The following UNC13B variants were observed in gnomAD, a reference collection of about 807,000 sequenced individuals.
UNC13B encodes unc-13 homolog B.
UNC13B carries 144 observed loss-of-function variants against 211.0 expected under a neutral mutation model. That is an observed-to-expected ratio of 0.68 (90% confidence interval 0.60 to 0.78). UNC13B has a LOEUF of 0.78. UNC13B is among the 30% of genes least tolerant of loss of function. The pLI is 0.00. For synonymous variants in UNC13B, 709 were observed against 725.8 expected (o/e 0.98, Z 0.37); for missense variants, 1,777 against 2,002.0 (o/e 0.89, Z 2.14).
In UNC13B at chr9:35,378,184, T is replaced by C. The variant is rs2132235231; in HGVS notation, c.10064-111T>C. On this transcript the variant is annotated intron_variant, in intron 16 of 39. Coordinates refer to ENST00000635942, the MANE Select transcript of UNC13B (RefSeq NM_001371189.2). ...AAGAATAAATATGGAGGAATGGGAT[T>C]ACGGTATCTGTGCAAGGAGCATAGA... The C allele has an allele frequency of 2.1e-6, 3 of 1,405,508 alleles. No homozygotes were observed. The East Asian group carries it at 7.1e-5, about 33-fold the overall frequency. 87.1% of individuals were successfully genotyped at this position (1,405,508 alleles called of 1,614,324 possible). A position where few individuals can be genotyped will look rare whatever the true frequency, so the allele number is the denominator to read the frequency against.
chr9:35,189,814 C>G (rs912727818), intron 1 of UNC13B, among the ~76,000 whole-genome samples: 9 of 152,164 alleles, frequency 5.9e-5, no homozygotes, highest in African/African-American at 2.2e-4. Flanking sequence ...GGATTACAAG[C>G]ATGCACCACC....
chr9:35,372,013 T>G (rs1834159145), intron 13 of UNC13B: 1 of 153,074 alleles, frequency 6.5e-6, no homozygotes, highest in Non-Finnish European at 1.5e-5. Flanking sequence ...GGCTCATGCC[T>G]GTAATCCCAG....
At position 35,162,283 on chromosome 9, in the gene UNC13B, C is replaced by T. The variant is rs749465835; in HGVS notation, c.-1C>T. On this transcript the variant is annotated 5_prime_UTR_variant, in exon 1 of 40. Transcript: ENST00000635942. Reference sequence around the variant, plus strand: ...GGCAGAGGCTTGCCCGATCCTCGGCCATGTCACTGCTCTGCGTGCGCGGTG... The same window carrying T: ...GGCAGAGGCTTGCCCGATCCTCGGCTATGTCACTGCTCTGCGTGCGCGGTG... 7 of 1,542,138 alleles carry T rather than the reference C, an allele frequency of 4.5e-6. No homozygotes were observed. The Admixed American group carries it at 1.2e-4, about 26-fold the overall frequency.
At position 35,403,655 on chromosome 9, in the gene UNC13B, G is replaced by C. The variant is rs561355180; in HGVS notation, c.12737+56G>C. 3.0e-5 allele frequency: 46 copies of C among 1,548,760 alleles called. No individual in the cohort carries two copies. The African/African-American group carries it at 4.5e-4, about 15-fold the overall frequency. ...GGGATGGGGGTAAGACTTGAGGGGT[G>C]GGGGGAGAGGAGGGCCCGGGGGGAT... is the stretch of plus-strand genomic sequence containing the variant. On this transcript the variant is annotated intron_variant, in intron 39 of 39. Transcript: ENST00000635942.
chr9:35,231,170 A>G lies in UNC13B; in HGVS notation c.103A>G (p.Thr35Ala), dbSNP rs748649059. ...TLKVQNVKST[T>A]VAVRGDQPSW... is the part of the protein sequence containing the mutation. ...GAAAGTACAGAATGTGAAGAGCACA[A>G]CTGTAGCAGTTCGTGGTGATCAGCC... Residue 35 changes from threonine to alanine, a missense_variant, in exon 3 of 40, where the codon ACT becomes GCT. Thr to Ala is a moderately conservative substitution (Grantham distance 58). Coordinates refer to ENST00000635942, the MANE Select transcript of UNC13B (RefSeq NM_001371189.2). 4 of 1,613,568 alleles carry G rather than the reference A, an allele frequency of 2.5e-6. No individual in the cohort carries two copies. Among genetic ancestry groups the G allele is most frequent in the East Asian group, 2.2e-5 (1 of 44,868 alleles).
chr9:35,234,372 A>T (rs901769984), intron 3 of UNC13B, among the ~76,000 whole-genome samples: 9 of 152,132 alleles, frequency 5.9e-5, no homozygotes, highest in Non-Finnish European at 8.8e-5. Context: ...TTCCCACCTC[A>T]GCCTCCCAAC....
At chr9:35,223,883 C>T (rs1056046553) in intron 1 of UNC13B, among the ~76,000 whole-genome samples, 5 of 152,074 alleles carry the variant, frequency 3.3e-5, no homozygotes, top group Non-Finnish European at 7.4e-5. Flanking sequence ...ATTCAGTTTT[C>T]CCAACACCAT....
At chr9:35,318,870 G>A (rs1830594828) in intron 11 of UNC13B, among the ~76,000 whole-genome samples, 1 of 152,134 alleles carries the variant, frequency 6.6e-6, no homozygotes. Flanking sequence ...TTTCTTGCTC[G>A]TATTCCACAT....
intron 1 of UNC13B, among the ~76,000 whole-genome samples, chr9:35,172,335 C>T (rs1323271806): frequency 1.3e-5 from 2 of 152,132 alleles, no homozygotes; most frequent in South Asian, 4.1e-4. Context: ...CTGGAATTCT[C>T]TTCTGGCTAT....
intron 2 of UNC13B, among the ~76,000 whole-genome samples, chr9:35,228,387 G>A (rs2131490119): frequency 6.6e-6 from 1 of 151,806 alleles, no homozygotes; most frequent in East Asian, 1.9e-4. Flanking sequence ...TGCACAACGT[G>A]CAGGTTTGTT....
intron 11 of UNC13B, among the ~76,000 whole-genome samples, chr9:35,345,960 GGGCTGCT>G (rs1361110916): frequency 6.6e-6 from 1 of 152,116 alleles, no homozygotes; most frequent in Admixed American, 6.6e-5. Context: ...CCTATAAATG[GGGCTGCT>G]CTTAATGCTG....
chr9:35,389,591 C>A (rs553100821), intron 24 of UNC13B, among the ~76,000 whole-genome samples: 1 of 152,178 alleles, frequency 6.6e-6, no homozygotes. Context: ...GATGGGCATC[C>A]TTATGTCTCT....
intron 11 of UNC13B, among the ~76,000 whole-genome samples, chr9:35,338,332 T>G (rs1490550038): frequency 2.0e-5 from 3 of 152,134 alleles, no homozygotes; most frequent in Non-Finnish European, 4.4e-5. Flanking sequence ...TGTCAGCAAT[T>G]TATGACTCTT....
intron 10 of UNC13B, 137 bp downstream of exon 10, chr9:35,310,918 T>C: frequency 1.3e-6 from 1 of 758,418 alleles, no homozygotes; most frequent in Non-Finnish European, 2.1e-6. Context: ...CTCAACTCTG[T>C]ATTGCTTCCT....
At chr9:35,297,332 G>T (rs1460236522) in intron 8 of UNC13B, among the ~76,000 whole-genome samples, 1 of 151,622 alleles carries the variant, frequency 6.6e-6, no homozygotes, top group Non-Finnish European at 1.5e-5. Context: ...CAAACGATAC[G>T]CCTTCCTCTG....
chr9:35,399,311 C>T (rs1296562684), intron 34 of UNC13B, 27 bp downstream of exon 34: 1 of 1,614,164 alleles, frequency 6.2e-7, no homozygotes, highest in Non-Finnish European at 8.5e-7. Context: ...CCACTTCCTC[C>T]TGCTGTCTCC....
At chr9:35,269,801 T>G (rs1455477295) in intron 7 of UNC13B, among the ~76,000 whole-genome samples, 1 of 152,218 alleles carries the variant, frequency 6.6e-6, no homozygotes, top group Non-Finnish European at 1.5e-5. Context: ...TGTGTCACAC[T>G]GTTATTATAC....
In UNC13B at chr9:35,403,186, T is replaced by C. The variant is rs777534292; in HGVS notation, c.12504T>C (p.Pro4168=). Residue 4168 remains proline, a synonymous_variant, in exon 38 of 40, where the codon CCT becomes CCC. Transcript: ENST00000635942. ...QTTQGSGVDD[P]VGEVSIQVDL... ...CCTCAGGGTCTGGTGTGGACGATCCTGTGGGAGAAGTCTCTATTCAGGTGG... is the reference window on the plus strand; with the variant it reads ...CCTCAGGGTCTGGTGTGGACGATCCCGTGGGAGAAGTCTCTATTCAGGTGG... The C allele has an allele frequency of 3.7e-6, 6 of 1,614,146 alleles. No homozygotes were observed. Among genetic ancestry groups the C allele is most frequent in the African/African-American group, 1.3e-5 (1 of 75,056 alleles).
chr9:35,322,772 G>A (rs991673724), intron 11 of UNC13B, among the ~76,000 whole-genome samples: 7 of 152,050 alleles, frequency 4.6e-5, no homozygotes, highest in Admixed American at 4.6e-4. Flanking sequence ...TTTGCACCAG[G>A]GAAATACTCT....
Sources: allele counts gnomAD v4.1 joint callset (sites outside exome capture counted in the v4.1 genomes callset), GRCh38; gene constraint gnomAD v4.1.1; transcripts MANE v1.5; gene names NCBI Gene and HGNC (gene_info 2026-07-23, HGNC 2026-07-21).